TEK: variants seen among roughly 807,000 people sequenced by gnomAD.
TEK encodes TEK receptor tyrosine kinase, also known as angiopoietin-1 receptor.
TEK carries 43 observed loss-of-function variants against 131.8 expected under a neutral mutation model. The observed-to-expected ratio is 0.33, with a 90% confidence interval of 0.26 to 0.42. The LOEUF (loss-of-function observed/expected upper bound fraction) is 0.42, where lower values mean the gene tolerates loss of function less well. TEK is among the 10% of genes least tolerant of loss of function. The pLI is 1.00. For synonymous variants in TEK, 580 were observed against 491.6 expected (o/e 1.18, Z -2.38); for missense variants, 1,162 against 1,384.4 (o/e 0.84, Z 2.55).
chr9:27,161,822 A>G (rs1335811726), intron 2 of TEK, among the ~76,000 whole-genome samples: 2 of 152,224 alleles, frequency 1.3e-5, no homozygotes, highest in Admixed American at 6.5e-5. Flanking sequence ...AAAAATAAGG[A>G]TAGAGATTTT....
In TEK at chr9:27,190,708, T is replaced by C. The variant is rs746250895; in HGVS notation, c.1489+18T>C. The stretch of plus-strand genomic sequence containing the variant: ...TATTCAAGGTAAGCTTTGGACAGGA[T>C]AGATGCCAGCTGGGGATGTGGCACC... On this transcript the variant is annotated intron_variant, in intron 10 of 22. Transcript: ENST00000380036. 1 of 1,613,810 alleles carries C rather than the reference T, an allele frequency of 6.2e-7. No individual in the cohort carries two copies. The highest frequency in any genetic ancestry group is 1.1e-5 in the South Asian group (1 of 91,072).
chr9:27,185,213 A>G (rs1256202850), intron 8 of TEK, among the ~76,000 whole-genome samples: 3 of 152,182 alleles, frequency 2.0e-5, no homozygotes, highest in Non-Finnish European at 4.4e-5. Context: ...AAAAGAAATC[A>G]TGCTTCAGGT....
At chr9:27,178,216 A>C (rs4878359) in intron 6 of TEK, among the ~76,000 whole-genome samples, 62,735 of 151,486 alleles carry the variant, frequency 0.41, 13,589 homozygotes, top group African/African-American at 0.55. Flanking sequence ...TATTGAAGAG[A>C]TTATCCTTTC....
chr9:27,207,609 A>G (rs1225470372), intron 15 of TEK, among the ~76,000 whole-genome samples: 1 of 152,236 alleles, frequency 6.6e-6, no homozygotes, highest in Non-Finnish European at 1.5e-5. Context: ...AGCAGTTTGT[A>G]TAAGACTTGA....
intron 9 of TEK, among the ~76,000 whole-genome samples, chr9:27,188,344 T>C (rs554488320): frequency 1.3e-5 from 2 of 152,304 alleles, no homozygotes; most frequent in African/African-American, 4.8e-5. Context: ...CGCTTTACAA[T>C]ATGTATGTTC....
intron 15 of TEK, among the ~76,000 whole-genome samples, chr9:27,208,429 C>G (rs1376734591): frequency 5.9e-5 from 9 of 152,098 alleles, no homozygotes; most frequent in Admixed American, 5.9e-4. Context: ...GCCTTCTCTT[C>G]ATTCTGGTGC....
At chr9:27,201,006 T>C (rs1277465858) in intron 12 of TEK, among the ~76,000 whole-genome samples, 1 of 152,194 alleles carries the variant, frequency 6.6e-6, no homozygotes, top group Non-Finnish European at 1.5e-5. Context: ...ACTTGTCTCT[T>C]TGGATGGGCG....
intron 1 of TEK, among the ~76,000 whole-genome samples, chr9:27,114,477 A>C (rs1179764571): frequency 6.6e-6 from 1 of 152,162 alleles, no homozygotes; most frequent in Non-Finnish European, 1.5e-5. Flanking sequence ...AGGTTGAGGC[A>C]GGAAAATCTC....
intron 6 of TEK, among the ~76,000 whole-genome samples, chr9:27,178,811 T>C (rs1361443738): frequency 6.6e-6 from 1 of 152,196 alleles, no homozygotes; most frequent in Non-Finnish European, 1.5e-5. Flanking sequence ...CAGGAGCTTA[T>C]TACAAGTATC....
intron 8 of TEK, among the ~76,000 whole-genome samples, chr9:27,184,090 T>G (rs1038385582): frequency 6.6e-6 from 1 of 152,122 alleles, no homozygotes; most frequent in African/African-American, 2.4e-5. Context: ...GAGCAGCAGT[T>G]TAGGGGAGCA....
intron 11 of TEK, among the ~76,000 whole-genome samples, chr9:27,195,198 G>A (rs143288133): frequency 6.6e-6 from 1 of 152,226 alleles, no homozygotes; most frequent in Non-Finnish European, 1.5e-5. Flanking sequence ...CAGACCTTTT[G>A]CATAATGCCA....
In TEK at chr9:27,192,564, G is replaced by A. The variant is rs138894008; in HGVS notation, c.1565G>A (p.Arg522His). Reference protein sequence around the residue: ...EYELCVQLVRRGEGGEGHPGP... With the variant: ...EYELCVQLVRHGEGGEGHPGP... ...GAACTCTGTGTGCAACTGGTCCGTC[G>A]TGGAGAGGGTGGGGAAGGGCATCCT... is the stretch of plus-strand genomic sequence containing the variant. The change falls in exon 11 of 23, where the codon CGT becomes CAT. Residue 522 changes from arginine (R) to histidine (H), a missense_variant. Arg to His is a conservative substitution (Grantham distance 29). Coordinates refer to ENST00000380036, the MANE Select transcript of TEK (RefSeq NM_000459.5). The A allele has an allele frequency of 8.0e-5, 129 of 1,613,980 alleles. No individual in the cohort carries two copies. In the African/African-American group the frequency reaches 1.0e-3, roughly 13 times the overall value.
chr9:27,135,215 CTTTT>C lies in TEK; in HGVS notation c.53-22603_53-22600del, dbSNP rs34646855. Among the ~76,000 whole-genome samples, 221 of 141,710 alleles carry C rather than the reference CTTTT, an allele frequency of 1.6e-3. 2 individuals carry two copies. Among genetic ancestry groups the C allele is most frequent in the African/African-American group, 5.3e-3 (205 of 38,996 alleles). 93.0% of individuals were successfully genotyped at this position (141,710 alleles called of 152,430 possible). The stretch of plus-strand genomic sequence containing the variant: ...CTCCAGCCTTGGTGACAGAGTGAGA[CTTTT>C]TTTTTTTTTTTTGAGACAAAGGATT... On this transcript the variant is annotated intron_variant, in intron 1 of 22. Coordinates refer to ENST00000380036, the MANE Select transcript of TEK (RefSeq NM_000459.5).
At chr9:27,198,245 T>C (rs1825098472) in intron 12 of TEK, 1 of 160,520 alleles carries the variant, frequency 6.2e-6, no homozygotes, top group African/African-American at 2.4e-5. Context: ...GGTAAACTAT[T>C]TCTTGGCCAC....
intron 18 of TEK, among the ~76,000 whole-genome samples, chr9:27,214,263 G>A (rs1400765002): frequency 1.3e-5 from 2 of 152,256 alleles, no homozygotes; most frequent in East Asian, 3.8e-4. Flanking sequence ...GCATGTTACA[G>A]CTGTGTGGAT....
intron 20 of TEK, among the ~76,000 whole-genome samples, chr9:27,219,742 C>A (rs1825982137): frequency 2.2e-5 from 3 of 138,150 alleles, no homozygotes; most frequent in Admixed American, 7.1e-5. Context: ...AAAGGTTAAT[C>A]TTATTGGTAT....
chr9:27,129,076 A>C (rs1003713108), intron 1 of TEK, among the ~76,000 whole-genome samples: 2 of 152,172 alleles, frequency 1.3e-5, no homozygotes, highest in Non-Finnish European at 2.9e-5. Flanking sequence ...GAATACTTCC[A>C]GTTTTTGCCC....
At chr9:27,174,752 G>A (rs1469607192) in intron 6 of TEK, among the ~76,000 whole-genome samples, 1 of 152,070 alleles carries the variant, frequency 6.6e-6, no homozygotes, top group East Asian at 1.9e-4. Flanking sequence ...CCACAGCAGT[G>A]GAGAAATCCC....
chr9:27,144,768 G>A (rs1001528215), intron 1 of TEK, among the ~76,000 whole-genome samples: 1 of 152,194 alleles, frequency 6.6e-6, no homozygotes, highest in Non-Finnish European at 1.5e-5. Context: ...GGGCCTCTGA[G>A]CCCTCTTCCA....
Sources: allele counts gnomAD v4.1 joint callset (sites outside exome capture counted in the v4.1 genomes callset), GRCh38; gene constraint gnomAD v4.1.1; transcripts MANE v1.5; gene names NCBI Gene and HGNC (gene_info 2026-07-23, HGNC 2026-07-21).